The following PLEKHM2 variants were observed in gnomAD, a reference collection of about 807,000 sequenced individuals.
The protein encoded by PLEKHM2 is pleckstrin homology domain-containing family M member 2.
Under a neutral mutation model 116.3 loss-of-function variants are expected in PLEKHM2, and 77 were observed. That is an observed-to-expected ratio of 0.66 (90% CI 0.55 to 0.80). PLEKHM2 has a LOEUF of 0.80. Ranked by LOEUF, PLEKHM2 falls within the 30% of genes least tolerant of loss-of-function variation. PLEKHM2 has a pLI of 0.00. For synonymous variants in PLEKHM2, 562 were observed against 571.0 expected (o/e 0.98, Z 0.22); for missense variants, 1,183 against 1,354.9 (o/e 0.87, Z 1.99).
chr1:15,732,877 C>G, intron 19 of PLEKHM2, 149 bp downstream of exon 19: 1 of 612,870 alleles, frequency 1.6e-6, no homozygotes, highest in Non-Finnish European at 2.9e-6. Context: ...CTGCCTCAGC[C>G]CCGGGGGTGA....
chr1:15,725,473 C>T lies in PLEKHM2; in HGVS notation c.869C>T (p.Thr290Ile), dbSNP rs970495025. The change falls in exon 8 of 20, where the codon ACC (threonine) becomes ATC (isoleucine). Residue 290 changes from threonine to isoleucine, a missense_variant. By Grantham distance (89) the Thr-to-Ile change is moderately conservative. This residue lies in a region of PLEKHM2 where 372 missense variants were observed against 357.2 expected (regional missense o/e 1.04). Transcript: ENST00000375799. ...VSSSDTTPVH[T>I]TSQEKEEAQA... is the part of the protein sequence containing the mutation. ...TCCTCTGACACCACCCCCGTGCACA[C>T]CACCTCTCAGGAGAAGGAGGAGGCC... 3 of 1,580,064 alleles carry T rather than the reference C, an allele frequency of 1.9e-6. No homozygotes were observed. Among genetic ancestry groups the T allele is most frequent in the Non-Finnish European group, 2.6e-6 (3 of 1,164,066 alleles).
intron 8 of PLEKHM2, 23 bp from the exon 9 acceptor site, chr1:15,726,991 T>G: frequency 1.4e-6 from 2 of 1,433,246 alleles, no homozygotes; most frequent in Non-Finnish European, 1.8e-6. Context: ...GGGTTAACAC[T>G]CTCCCCGTCG....
chr1:15,728,250 T>A lies in PLEKHM2; in HGVS notation c.1831-17T>A, dbSNP rs1377509055. Reference sequence around the variant, plus strand: ...GCAGGAGCCACCTGCCTGACCCTTGTCTGCTTCGGCCCCCAGATGATCCGG... The same window carrying A: ...GCAGGAGCCACCTGCCTGACCCTTGACTGCTTCGGCCCCCAGATGATCCGG... On this transcript the variant is annotated splice_polypyrimidine_tract_variant and intron_variant, in intron 10 of 19. Transcript: ENST00000375799. This position sits in a 1 kb window ranked among gnomAD's most constrained non-coding sequence, Gnocchi z 5.9. 1.2e-6 allele frequency: 2 copies of A among 1,612,706 alleles called. No homozygotes were observed. The highest frequency in any genetic ancestry group is 1.7e-6 in the Non-Finnish European group (2 of 1,179,440).
intron 1 of PLEKHM2, among the ~76,000 whole-genome samples, chr1:15,702,415 GT>G (rs925862408): frequency 1.5e-4 from 22 of 148,808 alleles, no homozygotes; most frequent in East Asian, 3.9e-4. Flanking sequence ...CTTCAGGTGG[GT>G]TTTTTTTTTC....
intron 14 of PLEKHM2, among the ~76,000 whole-genome samples, chr1:15,730,207 A>G (rs2148377233): frequency 6.6e-6 from 1 of 152,300 alleles, no homozygotes; most frequent in South Asian, 2.1e-4. Context: ...TTGGGAGGCC[A>G]AGGCAGGCGG....
At chr1:15,730,434 T>G in intron 14 of PLEKHM2, 98 bp from the exon 15 acceptor site, 1 of 930,346 alleles carries the variant, frequency 1.1e-6, no homozygotes, top group Non-Finnish European at 1.5e-6. Flanking sequence ...AGAGCGAGAC[T>G]CCATCTCAAA....
chr1:15,708,933 G>C (rs1641276249), intron 1 of PLEKHM2, among the ~76,000 whole-genome samples: 1 of 152,158 alleles, frequency 6.6e-6, no homozygotes, highest in Non-Finnish European at 1.5e-5. Context: ...CATGTACTTG[G>C]TAAACATAGT....
rs765057027 is a variant in PLEKHM2 at position 15,730,606 on chromosome 1, G to A, written c.2283G>A (p.Thr761=). ...EDPTDESLGP[T]PCHCSPPEGT... ...CCACAGACGAGTCCCTGGGCCCCAC[G>A]CCCTGCCACTGCTCACCCCCCGAGG... is the stretch of plus-strand genomic sequence containing the variant. The change falls in exon 15 of 20, where the codon ACG becomes ACA. Residue 761 remains threonine (T), a synonymous_variant. Transcript: ENST00000375799. The A allele has an allele frequency of 1.2e-5, 19 of 1,606,270 alleles. No individual in the cohort carries two copies. The highest frequency in any genetic ancestry group is 1.6e-4 in the Middle Eastern group (1 of 6,076).
intron 1 of PLEKHM2, among the ~76,000 whole-genome samples, chr1:15,685,541 GA>G (rs200301672): frequency 0.019 from 1,394 of 73,574 alleles, 20 homozygotes; most frequent in African/African-American, 0.045. Flanking sequence ...CTCAGAAACT[GA>G]AAAAAAAAAA....
Position 15,730,627 on chromosome 1 carries a change from C to G in PLEKHM2, c.2304C>G (p.Pro768=). Residue 768 remains proline (P), a synonymous_variant, in exon 15 of 20, where the codon CCC becomes CCG. Coordinates refer to ENST00000375799, the MANE Select transcript of PLEKHM2 (RefSeq NM_015164.4). The part of the protein sequence containing the change: ...LGPTPCHCSP[P]EGTITKEGML... ...CCACGCCCTGCCACTGCTCACCCCC[C>G]GAGGGCACCATCACCAAAGAAGGCA... 1.2e-6 allele frequency: 2 copies of G among 1,608,594 alleles called. No individual in the cohort carries two copies. Among genetic ancestry groups the G allele is most frequent in the South Asian group, 1.1e-5 (1 of 89,830 alleles).
chr1:15,696,996 G>A (rs745783814), intron 1 of PLEKHM2, among the ~76,000 whole-genome samples: 6 of 152,186 alleles, frequency 3.9e-5, no homozygotes, highest in Non-Finnish European at 5.9e-5. Context: ...CAGTGACAGA[G>A]TGAGCATTTC....
intron 1 of PLEKHM2, among the ~76,000 whole-genome samples, chr1:15,712,648 CTTT>C (rs1366648962): frequency 1.0e-4 from 14 of 136,662 alleles, no homozygotes; most frequent in Admixed American, 1.5e-4. Context: ...TCTTATTTTC[CTTT>C]TTTTTTTTTT....
chr1:15,722,800 C>T (rs1018408955), intron 7 of PLEKHM2: 1 of 152,134 alleles, frequency 6.6e-6, no homozygotes, highest in Non-Finnish European at 1.5e-5. Flanking sequence ...CTCTTAGCCC[C>T]TCTTCTTGCA....
chr1:15,731,333 G>A, intron 16 of PLEKHM2, 76 bp downstream of exon 16: 4 of 1,161,344 alleles, frequency 3.4e-6, no homozygotes, highest in Admixed American at 2.0e-5. Context: ...GGCTGCCCCT[G>A]TTGGCAGTTC....
intron 1 of PLEKHM2, among the ~76,000 whole-genome samples, chr1:15,707,354 G>GGTGAT (rs1361613743): frequency 2.6e-5 from 4 of 152,062 alleles, no homozygotes; most frequent in Non-Finnish European, 4.4e-5. Flanking sequence ...GATCACCTGA[G>GGTGAT]CCCGGTAGGT....
intron 1 of PLEKHM2, among the ~76,000 whole-genome samples, chr1:15,686,648 A>ATTTTTTTTTTTTTTTTTT (rs1233033159): frequency 7.5e-5 from 10 of 134,216 alleles, no homozygotes; most frequent in African/African-American, 3.0e-4. Context: ...ACCCGGCTAA[A>ATTTTTTTTTTTTTTTTTT]TTTTTTTTTT....
Position 15,734,435 on chromosome 1 carries a change from G to C in PLEKHM2, c.*501G>C, listed in dbSNP as rs2068195350. 1 of 156,886 alleles carries C rather than the reference G, an allele frequency of 6.4e-6. No individual in the cohort carries two copies. Among genetic ancestry groups the C allele is most frequent in the Admixed American group, 6.4e-5 (1 of 15,532 alleles). 9.7% of individuals were successfully genotyped at this position (156,886 alleles called of 1,614,324 possible). A position where few individuals can be genotyped will look rare whatever the true frequency, so the allele number is the denominator to read the frequency against. ...TGTCTGCGCATGTTTCCTCCTCCTA[G>C]CTCCATCACTGCGCACACAGCTGCC... is the stretch of plus-strand genomic sequence containing the variant. On this transcript the variant is annotated 3_prime_UTR_variant, in exon 20 of 20. Transcript: ENST00000375799.
In PLEKHM2 at chr1:15,718,616, G is replaced by A; in HGVS notation, c.456G>A (p.Glu152=). ...LVSGLEFIRF[E]LDLDAPYLDL... ...CCGGGCTAGAGTTCATTCGTTTCGA[G>A]CTGGATCTGGTGAGACACCAGGGCT... is the stretch of plus-strand genomic sequence containing the variant. Residue 152 remains glutamate, a synonymous_variant, in exon 5 of 20, where the codon GAG becomes GAA. Coordinates refer to ENST00000375799, the MANE Select transcript of PLEKHM2 (RefSeq NM_015164.4). 2 of 1,564,638 alleles carry A rather than the reference G, an allele frequency of 1.3e-6. No homozygotes were observed. Among genetic ancestry groups the A allele is most frequent in the Non-Finnish European group, 1.7e-6 (2 of 1,152,284 alleles).
At chr1:15,690,727 A>T (rs1337482643) in intron 1 of PLEKHM2, among the ~76,000 whole-genome samples, 1 of 152,178 alleles carries the variant, frequency 6.6e-6, no homozygotes, top group African/African-American at 2.4e-5. Flanking sequence ...GACACTTGTA[A>T]ATCCCATCAT....
Sources: gnomAD v4.1 joint callset for allele counts (sites outside exome capture counted in the v4.1 genomes callset) on GRCh38, gnomAD v4.1.1 for gene constraint, gnomAD v4.1.1 regional missense constraint, Gnocchi (gnomAD v3.1) non-coding constraint, MANE v1.5 for transcripts, NCBI Gene and HGNC (gene_info 2026-07-23, HGNC 2026-07-21) for gene names.